The following USP28 variants were observed in gnomAD, a reference collection of about 807,000 sequenced individuals.
USP28 encodes ubiquitin carboxyl-terminal hydrolase 28.
USP28 carries 113 observed loss-of-function variants against 145.0 expected under a neutral mutation model. The observed-to-expected ratio is 0.78, with a 90% CI of 0.67 to 0.91. The LOEUF (loss-of-function observed/expected upper bound fraction) is 0.91. Ranked by LOEUF, USP28 falls within the 40% of genes least tolerant of loss-of-function variation. USP28 has a pLI of 0.00. For missense variants in USP28, 1,201 were observed against 1,289.6 expected, an observed-to-expected ratio of 0.93 and a Z score of 1.05; for synonymous variants, 447 against 450.9, an observed-to-expected ratio of 0.99 and a Z score of 0.11.
At chr11:113,815,492 G>A (rs182769014) in intron 13 of USP28, 110 bp from the exon 14 acceptor site, 3 of 976,322 alleles carry the variant, frequency 3.1e-6, no homozygotes, top group Non-Finnish European at 4.5e-6. Context: ...GGTATTCAGT[G>A]AGCATTAACT....
intron 8 of USP28, among the ~76,000 whole-genome samples, chr11:113,831,209 A>G (rs1266943525): frequency 6.6e-6 from 1 of 152,218 alleles, no homozygotes; most frequent in Non-Finnish European, 1.5e-5. Flanking sequence ...GGAGTCACAC[A>G]TGCAGACAAA....
chr11:113,829,227 G>A (rs200601018), exon 10 of USP28: 377 of 1,613,956 alleles, frequency 2.3e-4, no homozygotes, highest in Non-Finnish European at 3.1e-4. Flanking sequence ...AGTGATCGGA[G>A]GGAAGAAGCT....
At chr11:113,836,746 T>C (rs542588624) in intron 5 of USP28, among the ~76,000 whole-genome samples, 2 of 152,214 alleles carry the variant, frequency 1.3e-5, no homozygotes, top group South Asian at 4.2e-4. Flanking sequence ...TCCATCCTCA[T>C]CTCGCCACAG....
intron 12 of USP28, among the ~76,000 whole-genome samples, chr11:113,819,944 C>T (rs1434087853): frequency 6.6e-6 from 1 of 152,186 alleles, no homozygotes; most frequent in Non-Finnish European, 1.5e-5. Flanking sequence ...GTCTGGAACT[C>T]CTGACCTCAA....
At chr11:113,817,879 T>C (rs762992097) in intron 12 of USP28, 42 bp from the exon 13 acceptor site, 2 of 1,598,346 alleles carry the variant, frequency 1.3e-6, no homozygotes, top group South Asian at 2.2e-5. Flanking sequence ...CCAAGGCTGT[T>C]TTGTATTTTA....
At chr11:113,830,721 TAAAC>T in intron 9 of USP28, 142 bp downstream of exon 9, 1 of 630,350 alleles carries the variant, frequency 1.6e-6, no homozygotes, top group Non-Finnish European at 2.6e-6. Flanking sequence ...TATCCACAGT[TAAAC>T]AGATACCAAG....
At chr11:113,800,994 G>A (rs1012328181) in intron 24 of USP28, among the ~76,000 whole-genome samples, 4 of 151,826 alleles carry the variant, frequency 2.6e-5, no homozygotes, top group African/African-American at 4.8e-5. Flanking sequence ...AGGCGCCCAT[G>A]ACCACACCTA....
intron 3 of USP28, 72 bp from the exon 4 acceptor site, chr11:113,841,840 T>C (rs1945237072): frequency 9.6e-7 from 1 of 1,040,542 alleles, no homozygotes; most frequent in East Asian, 2.5e-5. Context: ...AAGAAAAAGG[T>C]AAAGACATAC....
In USP28 at chr11:113,830,932, T is replaced by C. The variant is rs1943905945; in HGVS notation, c.845A>G (p.Asn282Ser). ...CTGCACCATTGGATTTTCAGATTTGTTCCTGGGACTGCTGCTTTTAGGAAA... is the reference window on the plus strand; with the variant it reads ...CTGCACCATTGGATTTTCAGATTTGCTCCTGGGACTGCTGCTTTTAGGAAA... Residue 282 changes from asparagine to serine, a missense_variant, in exon 9 of 25, where the codon AAC becomes AGC. Transcript: ENST00000003302. 3.7e-6 allele frequency: 6 copies of C among 1,614,064 alleles called. No individual in the cohort carries two copies. In the East Asian group the frequency reaches 1.3e-4, roughly 36 times the overall value.
At chr11:113,805,000 G>T (rs750889194) in exon 20 of USP28, 1 of 1,614,122 alleles carries the variant, frequency 6.2e-7, no homozygotes, top group Non-Finnish European at 8.5e-7. Flanking sequence ...AGAGGTGGGG[G>T]TCTCTTTGGC....
chr11:113,826,232 G>C (rs1368445921), intron 11 of USP28, among the ~76,000 whole-genome samples: 1 of 136,958 alleles, frequency 7.3e-6, no homozygotes, highest in Non-Finnish European at 1.5e-5. Context: ...GCAGTGAGCC[G>C]AGATCGTGCC....
intron 5 of USP28, among the ~76,000 whole-genome samples, chr11:113,835,957 A>C (rs1402956336): frequency 6.6e-6 from 1 of 152,204 alleles, no homozygotes; most frequent in African/African-American, 2.4e-5. Flanking sequence ...GCATGCCTAT[A>C]GTCCCAGCTG....
intron 7 of USP28, among the ~76,000 whole-genome samples, 174 bp from the exon 8 acceptor site, chr11:113,832,167 T>C (rs1944072576): frequency 6.6e-6 from 1 of 152,202 alleles, no homozygotes; most frequent in Admixed American, 6.5e-5. Flanking sequence ...TGGAGTGCAG[T>C]GGCGCGATCT....
intron 3 of USP28, among the ~76,000 whole-genome samples, chr11:113,848,711 C>T (rs1032686168): frequency 6.6e-6 from 1 of 152,174 alleles, no homozygotes; most frequent in Non-Finnish European, 1.5e-5. Flanking sequence ...ACTGTATCTG[C>T]CTGGAGAATG....
chr11:113,807,976 G>T (rs1004027365), intron 18 of USP28: 8 of 1,170,312 alleles, frequency 6.8e-6, no homozygotes, highest in Non-Finnish European at 8.6e-6. Flanking sequence ...ATCTGCATCA[G>T]ATCTAACCAG....
intron 18 of USP28, chr11:113,807,983 C>T (rs1177338962): frequency 2.5e-6 from 3 of 1,185,834 alleles, no homozygotes; most frequent in East Asian, 5.0e-5. Context: ...TCAGATCTAA[C>T]CAGAATCCTT....
chr11:113,803,644 T>C (rs1939438554), intron 22 of USP28, among the ~76,000 whole-genome samples, 154 bp downstream of exon 23: 1 of 152,186 alleles, frequency 6.6e-6, no homozygotes, highest in Admixed American at 6.5e-5. Flanking sequence ...GTGTGATGTT[T>C]AGAGCAAAAC....
rs1387967448 is a variant in USP28, at chr11:113,857,898, T to C, written c.58-3563A>G. On this transcript the variant is annotated intron_variant, in intron 1 of 24. Coordinates refer to ENST00000003302, the Ensembl canonical transcript of USP28. ...TTTTTTGAGACAGGGTCTCGCTCTG[T>C]GGCCCAGACTGGAGTGCAATAGCAT... Among the ~76,000 whole-genome samples the C allele has an allele frequency of 2.0e-5, 3 of 152,140 alleles. No homozygotes were observed. The East Asian group carries it at 5.8e-4, about 29-fold the overall frequency.
At chr11:113,805,166 C>T (rs1483221162) in intron 19 of USP28, 120 bp from the exon 21 acceptor site, 7 of 870,240 alleles carry the variant, frequency 8.0e-6, no homozygotes, top group Admixed American at 6.9e-5. Flanking sequence ...AAATTCATAT[C>T]GAATTACAAA....
Sources: gnomAD v4.1 joint callset for allele counts (sites outside exome capture counted in the v4.1 genomes callset) on GRCh38, gnomAD v4.1.1 for gene constraint, MANE v1.5 for transcripts, NCBI Gene and HGNC (gene_info 2026-07-23, HGNC 2026-07-21) for gene names.